The following FAM222B variants were observed in gnomAD, a reference collection of about 807,000 sequenced individuals.
FAM222B encodes the protein protein FAM222B.
FAM222B carries 12 observed loss-of-function variants against 38.0 expected under a neutral mutation model. The observed-to-expected ratio is 0.32, with a 90% confidence interval of 0.20 to 0.51. FAM222B has a LOEUF of 0.51. Ranked by LOEUF, FAM222B falls within the 20% of genes least tolerant of loss-of-function variation. FAM222B has a pLI of 0.97. For synonymous variants in FAM222B, 329 were observed against 317.2 expected (o/e 1.04, Z -0.40); for missense variants, 716 against 754.2 (o/e 0.95, Z 0.59).
chr17:28,828,350 C>T (rs1308719627), intron 1 of FAM222B, among the ~76,000 whole-genome samples: 1 of 151,324 alleles, frequency 6.6e-6, no homozygotes, highest in African/African-American at 2.4e-5. Context: ...ATCACTTGAT[C>T]CCAGGAGTTC....
intron 1 of FAM222B, among the ~76,000 whole-genome samples, chr17:28,822,832 AATAT>A (rs1254235399): frequency 0.03 from 1,274 of 42,702 alleles, 43 homozygotes; most frequent in East Asian, 0.041. Flanking sequence ...AAAAAAAAAA[AATAT>A]ATATATATAT....
At chr17:28,789,434 C>T (rs2036570261) in intron 1 of FAM222B, among the ~76,000 whole-genome samples, 1 of 152,112 alleles carries the variant, frequency 6.6e-6, no homozygotes, top group South Asian at 2.1e-4. Context: ...CCTGAACGAT[C>T]CACCTGCCTC....
In FAM222B at chr17:28,758,744, G is replaced by A. The variant is rs918350186; in HGVS notation, c.1215C>T (p.Gly405=). The A allele has an allele frequency of 6.3e-7, 1 of 1,576,714 alleles. No homozygotes were observed. Among genetic ancestry groups the A allele is most frequent in the Non-Finnish European group, 8.6e-7 (1 of 1,159,586 alleles). Reference sequence around the variant, plus strand: ...GTTCCTGCGGGTAGGCAGGGGCCTTGCCCACAAAGCCAGGCCCTGCCAACT... The same window carrying A: ...GTTCCTGCGGGTAGGCAGGGGCCTTACCCACAAAGCCAGGCCCTGCCAACT... ...GRELAGPGFV[G]KAPAYPQELC... The change falls in exon 3 of 3, where the codon GGC becomes GGT. Residue 405 remains glycine, a synonymous_variant. Transcript: ENST00000581407.
At chr17:28,765,950 A>C (rs192837476) in intron 2 of FAM222B, among the ~76,000 whole-genome samples, 26 of 152,326 alleles carry the variant, frequency 1.7e-4, no homozygotes, top group Non-Finnish European at 3.1e-4. Flanking sequence ...TCAAAACAAG[A>C]GAACAGCATA....
intron 1 of FAM222B, among the ~76,000 whole-genome samples, chr17:28,823,695 C>T (rs935136407): frequency 2.6e-5 from 4 of 152,080 alleles, no homozygotes; most frequent in Non-Finnish European, 4.4e-5. Context: ...TTTCAAATTG[C>T]TCTTCTCTAG....
At chr17:28,831,576 G>T (rs1265467294) in intron 1 of FAM222B, among the ~76,000 whole-genome samples, 7 of 140,350 alleles carry the variant, frequency 5.0e-5, no homozygotes, top group Non-Finnish European at 1.1e-4. Flanking sequence ...TTGCGATCTT[G>T]GTTCACTGCA....
intron 1 of FAM222B, among the ~76,000 whole-genome samples, chr17:28,815,308 G>C (rs1406201556): frequency 6.6e-6 from 1 of 151,762 alleles, no homozygotes; most frequent in Non-Finnish European, 1.5e-5. Flanking sequence ...CCACCTCCCA[G>C]GTTCATGCCA....
intron 1 of FAM222B, among the ~76,000 whole-genome samples, chr17:28,829,004 C>T (rs1481525821): frequency 6.6e-6 from 1 of 152,050 alleles, no homozygotes; most frequent in Non-Finnish European, 1.5e-5. Context: ...CTCCCGGGTT[C>T]AAGCGACTGT....
rs117574458 is a variant in FAM222B at position 28,830,680 on chromosome 17, T to C, written c.-41+12002A>G. Among the ~76,000 whole-genome samples, 498 of 152,162 alleles carry C rather than the reference T, an allele frequency of 3.3e-3. 2 individuals are homozygous for C. In the Middle Eastern group the frequency reaches 0.037, roughly 11 times the overall value. The stretch of plus-strand genomic sequence containing the variant: ...TCAATGTAATAAGGATTTTCTCTTA[T>C]CTTCTTTTAAATCTCATAGTTTAGG... On this transcript the variant is annotated intron_variant, in intron 1 of 2. Transcript: ENST00000581407.
chr17:28,760,183 GAT>G (rs904035779), intron 2 of FAM222B, among the ~76,000 whole-genome samples: 1 of 152,222 alleles, frequency 6.6e-6, no homozygotes, highest in African/African-American at 2.4e-5. Flanking sequence ...GGTAAGTAGA[GAT>G]CAGAACAGCA....
chr17:28,844,216 T>G (rs895606903), upstream of FAM222B, among the ~76,000 whole-genome samples: 1 of 151,996 alleles, frequency 6.6e-6, no homozygotes, highest in Non-Finnish European at 1.5e-5. Flanking sequence ...GACTAAACTC[T>G]CTCCTCATCA....
At chr17:28,797,485 G>GA (rs1567849862) in intron 1 of FAM222B, among the ~76,000 whole-genome samples, 1 of 152,144 alleles carries the variant, frequency 6.6e-6, no homozygotes, top group African/African-American at 2.4e-5. Context: ...CAGCAATAGA[G>GA]AAATACTGAA....
intron 1 of FAM222B, among the ~76,000 whole-genome samples, chr17:28,812,959 AT>A (rs2037854977): frequency 7.3e-6 from 1 of 137,872 alleles, no homozygotes; most frequent in Non-Finnish European, 1.5e-5. Context: ...TGCATATTAA[AT>A]CAACTGCACA....
intron 1 of FAM222B, among the ~76,000 whole-genome samples, chr17:28,853,297 G>A (rs930996157): frequency 1.3e-5 from 2 of 151,984 alleles, no homozygotes; most frequent in Admixed American, 6.6e-5. Flanking sequence ...CTGGGAGGTC[G>A]AGGCTGTAGT....
chr17:28,829,529 T>G (rs1220997119), intron 1 of FAM222B, among the ~76,000 whole-genome samples: 3 of 152,182 alleles, frequency 2.0e-5, no homozygotes, highest in Non-Finnish European at 2.9e-5. Flanking sequence ...ACTGTCCTTA[T>G]AGTTGAGTTT....
At chr17:28,768,658 G>A (rs1001332797) in intron 1 of FAM222B, among the ~76,000 whole-genome samples, 3 of 151,958 alleles carry the variant, frequency 2.0e-5, no homozygotes, top group Non-Finnish European at 2.9e-5. Context: ...CCAACGTGGT[G>A]AAACCCTGTC....
intron 1 of FAM222B, chr17:28,849,253 C>T (rs2039165842): frequency 6.9e-6 from 1 of 145,808 alleles, no homozygotes; most frequent in African/African-American, 2.6e-5. Flanking sequence ...AGCGAGACTC[C>T]GTCTCAAAAA....
chr17:28,779,975 C>CTT (rs201541427), intron 1 of FAM222B, among the ~76,000 whole-genome samples: 3 of 144,418 alleles, frequency 2.1e-5, no homozygotes, highest in Non-Finnish European at 3.0e-5. Context: ...ACTCTAGCCA[C>CTT]TTTTTTTTTT....
At chr17:28,844,204 A>G (rs2039123000), upstream of FAM222B, among the ~76,000 whole-genome samples, 1 of 152,172 alleles carries the variant, frequency 6.6e-6, no homozygotes, top group African/African-American at 2.4e-5. Context: ...GAGGAGGTAC[A>G]GGACTAAACT....
Sources: allele counts gnomAD v4.1 joint callset (sites outside exome capture counted in the v4.1 genomes callset), GRCh38; gene constraint gnomAD v4.1.1; transcripts MANE v1.5; gene names NCBI Gene and HGNC (gene_info 2026-07-23, HGNC 2026-07-21).